Variants in C1S observed in about 807,000 individuals in gnomAD.
C1S encodes the protein complement C1s, also known as complement C1s subcomponent.
C1S carries 31 observed loss-of-function variants against 54.0 expected under a neutral mutation model. The ratio of observed to expected loss-of-function variants is 0.57; its 90% CI spans 0.43 to 0.78. The LOEUF (loss-of-function observed/expected upper bound fraction) is 0.78. Among genes scored for constraint, C1S ranks in the 30% least tolerant of loss-of-function variants. The pLI is 0.00. For synonymous variants in C1S, 292 were observed against 303.6 expected, an observed-to-expected ratio of 0.96 and a Z score of 0.40; for missense variants, 727 against 851.8, an observed-to-expected ratio of 0.85 and a Z score of 1.82.
intron 7 of C1S, 40 bp downstream of exon 7, chr12:7,066,010 A>C: frequency 6.3e-7 from 1 of 1,575,788 alleles, no homozygotes; most frequent in Non-Finnish European, 8.7e-7. Context: ...GGTGATACCA[A>C]AGTCCCCAAA....
Position 7,070,608 on chromosome 12 carries a change from T to C in C1S, c.2024T>C (p.Ile675Thr). ...YTRVKNYVDW[I>T]MKTMQENSTP... ...CGGGTAAAGAACTATGTTGACTGGA[T>C]AATGAAGACTATGCAGGAAAATAGC... The change falls in exon 12 of 12, where the codon ATA (isoleucine) becomes ACA (threonine). Residue 675 changes from isoleucine (I) to threonine (T), a missense_variant. Transcript: ENST00000360817. This position sits in a 1 kb window ranked among gnomAD's most constrained non-coding sequence, Gnocchi z 4.9. The C allele has an allele frequency of 6.2e-7, 1 of 1,614,196 alleles. No homozygotes were observed. The highest frequency in any genetic ancestry group is 8.5e-7 in the Non-Finnish European group (1 of 1,180,040).
Position 7,065,191 on chromosome 12 carries a change from A to G in C1S, c.609A>G (p.Glu203=), listed in dbSNP as rs143959124. ...PKPYPENSRC[E]YQIRLEKGFQ... is the part of the protein sequence containing the mutation. Reference sequence around the variant, plus strand: ...CATATCCAGAGAACTCAAGGTGTGAATACCAGATCCGGTTGGAGAAAGGGT... The same window carrying G: ...CATATCCAGAGAACTCAAGGTGTGAGTACCAGATCCGGTTGGAGAAAGGGT... The change falls in exon 6 of 12, where the codon GAA becomes GAG. Residue 203 remains glutamate, a synonymous_variant. Transcript: ENST00000360817. 605 of 1,613,938 alleles carry G rather than the reference A, an allele frequency of 3.7e-4. No individual in the cohort carries two copies. The highest frequency in any genetic ancestry group is 4.7e-4 in the Non-Finnish European group (557 of 1,179,918).
chr12:7,070,730 T>A lies in C1S; in HGVS notation c.*79T>A. The A allele has an allele frequency of 3.5e-6, 4 of 1,151,386 alleles. No individual in the cohort carries two copies. Among genetic ancestry groups the A allele is most frequent in the Non-Finnish European group, 5.2e-6 (4 of 764,222 alleles). 71.3% of individuals were successfully genotyped at this position (1,151,386 alleles called of 1,614,324 possible). On this transcript the variant is annotated 3_prime_UTR_variant, in exon 12 of 12. Transcript: ENST00000360817. This position sits in a 1 kb window ranked among gnomAD's most constrained non-coding sequence, Gnocchi z 4.9. ...TGTTCCTTATGATATTCTCATTATT[T>A]CATCATGACTGAAAGAAGACACGAG...
At chr12:7,066,997 A>G in intron 8 of C1S, 42 bp from the exon 9 acceptor site, 1 of 1,455,232 alleles carries the variant, frequency 6.9e-7, no homozygotes, top group Non-Finnish European at 9.7e-7. Context: ...GGTTTCCCAT[A>G]TCTCTCTTCA....
At chr12:7,067,824 G>T (rs1555162564) in intron 10 of C1S, 53 bp downstream of exon 10, 1 of 1,565,638 alleles carries the variant, frequency 6.4e-7, no homozygotes, top group African/African-American at 1.4e-5. Flanking sequence ...GTGTTGGAGG[G>T]TGGATAGCAT....
rs1325882839 is a variant in C1S at position 7,070,281 on chromosome 12, T to A, written c.1697T>A (p.Leu566Gln). 2.5e-6 allele frequency: 4 copies of A among 1,614,108 alleles called. No homozygotes were observed. The highest frequency in any genetic ancestry group is 3.4e-6 in the Non-Finnish European group (4 of 1,180,030). ...AACCTCATGGATGGGGACCTGGGAC[T>A]GATCTCAGGCTGGGGCCGAACAGAG... ...DYNLMDGDLG[L>Q]ISGWGRTEKR... The change falls in exon 12 of 12, where the codon CTG (leucine) becomes CAG (glutamine). Residue 566 changes from leucine to glutamine, a missense_variant. Leu to Gln is a moderately radical substitution (Grantham distance 113, BLOSUM62 -2). This residue lies in a region of C1S where 360 missense variants were observed against 453.6 expected (regional missense o/e 0.79). Coordinates refer to ENST00000360817, the MANE Select transcript of C1S (RefSeq NM_001734.5). This position sits in a 1 kb window ranked among gnomAD's most constrained non-coding sequence, Gnocchi z 4.9.
At chr12:7,064,991 A>G in intron 5 of C1S, 109 bp from the exon 6 acceptor site, 6 of 906,488 alleles carry the variant, frequency 6.6e-6, no homozygotes, top group Non-Finnish European at 7.1e-6. Flanking sequence ...ATCTCAGGTT[A>G]GTTTGAATGC....
intron 6 of C1S, 41 bp downstream of exon 6, chr12:7,065,340 A>G: frequency 6.7e-7 from 1 of 1,489,840 alleles, no homozygotes; most frequent in Non-Finnish European, 9.4e-7. Flanking sequence ...TAACTTACAC[A>G]GAGAGATCTC....
At chr12:7,068,301 TA>T (rs1251971585) in intron 10 of C1S, among the ~76,000 whole-genome samples, 154 bp from the exon 11 acceptor site, 1 of 152,178 alleles carries the variant, frequency 6.6e-6, no homozygotes, top group Non-Finnish European at 1.5e-5. Flanking sequence ...TGGAGGAAGA[TA>T]TTTTTTTTCT....
chr12:7,066,313 T>A (rs2135725457), intron 7 of C1S: 2 of 650,240 alleles, frequency 3.1e-6, no homozygotes, highest in East Asian at 5.4e-5. Context: ...AGTAATCCTT[T>A]AACTAGACCT....
chr12:7,061,964 ATCTTC>A (rs782499680), intron 2 of C1S, 47 bp downstream of exon 2: 6 of 1,604,264 alleles, frequency 3.7e-6, no homozygotes, highest in Middle Eastern at 1.7e-4. Flanking sequence ...CATTCCCTTC[ATCTTC>A]TCAAGAAAAG....
At chr12:7,062,211 C>T (rs1015483546) in intron 2 of C1S, 23 of 565,206 alleles carry the variant, frequency 4.1e-5, no homozygotes, top group Non-Finnish European at 6.2e-5. Flanking sequence ...GTCAAGGCTG[C>T]AGTGACCTGA....
rs1189553362 is a variant in C1S at position 7,070,859 on chromosome 12, C to T, written c.*208C>T. ...CATTTGTGGTCTGACTCCTTGGGGT[C>T]CTTTCCCCGGAGTACCTATTGTAGA... On this transcript the variant is annotated 3_prime_UTR_variant, in exon 12 of 12. Transcript: ENST00000360817. The surrounding 1 kb of genome is among the most constrained non-coding windows in gnomAD (Gnocchi z 4.9). 5.5e-5 allele frequency: 33 copies of T among 603,184 alleles called. No individual in the cohort carries two copies. The highest frequency in any genetic ancestry group is 8.3e-5 in the Non-Finnish European group (28 of 336,534). The allele number at this position is 603,184 out of a possible 1,614,324, so 37.4% of individuals were successfully genotyped here.
In C1S at chr12:7,068,546, G is replaced by T; in HGVS notation, c.1270+16G>T. 6.3e-7 allele frequency: 1 copy of T among 1,590,350 alleles called. No individual in the cohort carries two copies. Among genetic ancestry groups the T allele is most frequent in the Non-Finnish European group, 8.6e-7 (1 of 1,158,476 alleles). On this transcript the variant is annotated intron_variant, in intron 11 of 11. Transcript: ENST00000360817. ...TGTGTTCCAGGTAAGGAGGGCTGAG[G>T]CTTGGGGAGAGATGATAGCCATGGG...
chr12:7,070,067 T>A lies in C1S; in HGVS notation c.1483T>A (p.Ser495Thr), dbSNP rs782294892. The part of the protein sequence containing the change: ...MYVGSTSVQT[S>T]RLAKSKMLTP... ...TGTTGGGTCCACCTCAGTGCAGACCTCACGGCTGGCAAAATCCAAGATGCT... is the reference window on the plus strand; with the variant it reads ...TGTTGGGTCCACCTCAGTGCAGACCACACGGCTGGCAAAATCCAAGATGCT... The change falls in exon 12 of 12, where the codon TCA (serine) becomes ACA (threonine). Residue 495 changes from serine to threonine, a missense_variant. By Grantham distance (58) the Ser-to-Thr change is moderately conservative. Coordinates refer to ENST00000360817, the MANE Select transcript of C1S (RefSeq NM_001734.5). This position sits in a 1 kb window ranked among gnomAD's most constrained non-coding sequence, Gnocchi z 4.9. 2 of 1,614,008 alleles carry A rather than the reference T, an allele frequency of 1.2e-6. No homozygotes were observed. Among genetic ancestry groups the A allele is most frequent in the African/African-American group, 2.7e-5 (2 of 74,920 alleles).
intron 6 of C1S, chr12:7,065,539 C>T (rs1222142805): frequency 3.8e-6 from 2 of 520,972 alleles, no homozygotes; most frequent in Non-Finnish European, 3.4e-6. Flanking sequence ...TATTGTTATT[C>T]TTTTTTTTTT....
chr12:7,061,609 A>C, intron 1 of C1S: 1 of 478,254 alleles, frequency 2.1e-6, no homozygotes, highest in Non-Finnish European at 3.8e-6. Context: ...AAAAATTAGG[A>C]GAAAGTCTAG....
In C1S at chr12:7,061,937, T is replaced by C. The variant is rs782451415; in HGVS notation, c.5+20T>C. On this transcript the variant is annotated intron_variant, in intron 2 of 11. Transcript: ENST00000360817. ...GATGTGGTAAGTGATCAAGGGTCCC[T>C]GAGATGACACAGACTCCATTCCCTT... 5 of 1,612,738 alleles carry C rather than the reference T, an allele frequency of 3.1e-6. No individual in the cohort carries two copies. The highest frequency in any genetic ancestry group is 4.2e-6 in the Non-Finnish European group (5 of 1,179,008).
chr12:7,065,827 G>A lies in C1S; in HGVS notation c.728G>A (p.Gly243Glu), dbSNP rs1947166636. ...CATCATTTTGTTCAGTTTGTTGCAG[G>A]AGATCGGCAATTTGGTCCTTACTGT... ...NCLDSLVFVA[G>E]DRQFGPYCGH... Residue 243 changes from glycine (G) to glutamate (E), a missense_variant, in exon 7 of 12, where the codon GGA (glycine) becomes GAA (glutamate). Transcript: ENST00000360817. 1 of 1,612,496 alleles carries A rather than the reference G, an allele frequency of 6.2e-7. No individual in the cohort carries two copies. The highest frequency in any genetic ancestry group is 8.5e-7 in the Non-Finnish European group (1 of 1,179,828).
Sources: gnomAD v4.1 joint callset for allele counts (sites outside exome capture counted in the v4.1 genomes callset) on GRCh38, gnomAD v4.1.1 for gene constraint, gnomAD v4.1.1 regional missense constraint, Gnocchi (gnomAD v3.1) non-coding constraint, MANE v1.5 for transcripts, NCBI Gene and HGNC (gene_info 2026-07-23, HGNC 2026-07-21) for gene names.